RNF213: variants seen among roughly 807,000 people sequenced by gnomAD.
RNF213 encodes the protein E3 ubiquitin-protein ligase RNF213.
Under a neutral mutation model 514.4 loss-of-function variants are expected in RNF213, and 341 were observed. The ratio of observed to expected loss-of-function variants is 0.66; its 90% CI spans 0.61 to 0.73. The LOEUF (loss-of-function observed/expected upper bound fraction) is 0.73, where lower values mean the gene tolerates loss of function less well. Ranked by LOEUF, RNF213 falls within the 30% of genes least tolerant of loss-of-function variation. The pLI is 0.00. For synonymous variants in RNF213, 2,655 were observed against 2,658.2 expected (o/e 1.00, Z 0.04); for missense variants, 5,767 against 6,615.6 (o/e 0.87, Z 4.45).
chr17:80,370,017 TG>T, intron 46 of RNF213, 150 bp downstream of exon 46: 2 of 705,534 alleles, frequency 2.8e-6, no homozygotes, highest in Non-Finnish European at 5.2e-6. Flanking sequence ...TTACTTGTAC[TG>T]GTTGTGTATT....
Position 80,328,433 on chromosome 17 carries a change from A to G in RNF213, c.3473A>G (p.Asp1158Gly), listed in dbSNP as rs1325867068. 2.6e-6 allele frequency: 4 copies of G among 1,537,234 alleles called. No homozygotes were observed. The highest frequency in any genetic ancestry group is 2.0e-5 in the Admixed American group (1 of 51,000). ...LLLKKEKRCVDSLLKMCGNVK... is the reference protein window; with the variant it reads ...LLLKKEKRCVGSLLKMCGNVK... ...CTAAAGAAAGAGAAAAGATGTGTTG[A>G]TAGTCTCCTGAAGATGTGTGGGAAC... The change falls in exon 20 of 68, where the codon GAT (aspartate) becomes GGT (glycine). Residue 1158 changes from aspartate (D) to glycine (G), a missense_variant. Asp to Gly is a moderately conservative substitution (Grantham distance 94). Around this residue, in one of 13 missense-constraint regions of RNF213, gnomAD observed 516 missense variants for 566.5 expected, o/e 0.91. Coordinates refer to ENST00000582970, the MANE Select transcript of RNF213 (RefSeq NM_001256071.3).
At chr17:80,373,253 T>G in intron 49 of RNF213, 88 bp downstream of exon 49, 21 of 823,932 alleles carry the variant, frequency 2.5e-5, no homozygotes, top group African/African-American at 4.8e-5. Context: ...CCTCACACCC[T>G]ACCCCCCCCA....
intron 15 of RNF213, chr17:80,315,742 G>A (rs1324440385): frequency 3.1e-5 from 2 of 64,186 alleles, no homozygotes; most frequent in Non-Finnish European, 6.4e-5. Context: ...GGTGATGGTG[G>A]TGGTGGTGGA....
intron 25 of RNF213, among the ~76,000 whole-genome samples, chr17:80,338,641 T>C (rs1284573649): frequency 1.4e-5 from 1 of 72,846 alleles, no homozygotes; most frequent in South Asian, 3.6e-4. Flanking sequence ...TTTTTTTTTT[T>C]CCCAATTAAA....
intron 2 of RNF213, among the ~76,000 whole-genome samples, chr17:80,265,040 G>GTT (rs112658451): frequency 0.37 from 49,514 of 132,074 alleles, 9,425 homozygotes; most frequent in Non-Finnish European, 0.42. Context: ...TTCCATGTTT[G>GTT]TTTGTTTTTT....
intron 3 of RNF213, among the ~76,000 whole-genome samples, chr17:80,280,168 G>A (rs2044208996): frequency 6.6e-6 from 1 of 152,236 alleles, no homozygotes; most frequent in Admixed American, 6.5e-5. Context: ...CACGGGGCTG[G>A]ACTTAGCCAG....
Position 80,343,264 on chromosome 17 carries a change from C to T in RNF213, c.6122C>T (p.Pro2041Leu). 1.2e-6 allele frequency: 2 copies of T among 1,613,840 alleles called. No homozygotes were observed. The highest frequency in any genetic ancestry group is 1.7e-6 in the Non-Finnish European group (2 of 1,179,874). Residue 2041 changes from proline to leucine, a missense_variant, in exon 27 of 68, where the codon CCC becomes CTC. Physicochemically the swap from Pro to Leu is moderately conservative, Grantham distance 98. Coordinates refer to ENST00000582970, the MANE Select transcript of RNF213 (RefSeq NM_001256071.3). This position sits in a 1 kb window ranked among gnomAD's most constrained non-coding sequence, Gnocchi z 4.3. ...AGCCGAGTCCTGGGCGCCCTGCTGCCCTTCCTGGATGCGCAGTATCAGAAG... is the reference window on the plus strand; with the variant it reads ...AGCCGAGTCCTGGGCGCCCTGCTGCTCTTCCTGGATGCGCAGTATCAGAAG... ...DESRVLGALLPFLDAQYQKVP... is the reference protein window; with the variant it reads ...DESRVLGALLLFLDAQYQKVP...
At chr17:80,333,961 A>G (rs1411874698) in intron 21 of RNF213, 144 bp from the exon 22 acceptor site, 14 of 835,728 alleles carry the variant, frequency 1.7e-5, no homozygotes, top group South Asian at 3.2e-5. Flanking sequence ...CAGGGGTAAG[A>G]GCTTGGTGTG....
At chr17:80,349,688 C>G (rs1206361869) in intron 29 of RNF213, 82 bp from the exon 30 acceptor site, 1 of 1,469,808 alleles carries the variant, frequency 6.8e-7, no homozygotes, top group African/African-American at 1.4e-5. Flanking sequence ...TCGCAGGTTT[C>G]TAGGATCTGT....
intron 59 of RNF213, chr17:80,384,816 C>T: frequency 6.7e-6 from 4 of 593,948 alleles, no homozygotes; most frequent in Admixed American, 4.9e-5. Flanking sequence ...TCCATAGAGG[C>T]TGGGCTCCCT....
chr17:80,312,484 G>A (rs1206868077), intron 14 of RNF213, among the ~76,000 whole-genome samples: 1 of 141,418 alleles, frequency 7.1e-6, no homozygotes, highest in Non-Finnish European at 1.6e-5. Flanking sequence ...GGGAGGGCAT[G>A]ATGGGAGCAC....
At position 80,288,067 on chromosome 17, in the gene RNF213, A is replaced by G; in HGVS notation, c.514A>G (p.Ser172Gly). The stretch of plus-strand genomic sequence containing the variant: ...CTCCGCGCCCACCGAGGTTGGCGAC[A>G]GCCCCCTGCAGGCCCAGGCTTTGGG... Reference protein sequence around the residue: ...GLSAPTEVGDSPLQAQALGEA... With the variant: ...GLSAPTEVGDGPLQAQALGEA... The change falls in exon 4 of 68, where the codon AGC becomes GGC. Residue 172 changes from serine (S) to glycine (G), a missense_variant. By Grantham distance (56) the Ser-to-Gly change is moderately conservative. This residue lies in a region of RNF213 where 509 missense variants were observed against 496.7 expected (regional missense o/e 1.02). Transcript: ENST00000582970. This position sits in a 1 kb window ranked among gnomAD's most constrained non-coding sequence, Gnocchi z 4.9. The G allele has an allele frequency of 6.2e-7, 1 of 1,608,434 alleles. No homozygotes were observed. The highest frequency in any genetic ancestry group is 8.5e-7 in the Non-Finnish European group (1 of 1,176,830).
At chr17:80,383,599 G>T in intron 58 of RNF213, 78 bp from the exon 59 acceptor site, 1 of 1,449,544 alleles carries the variant, frequency 6.9e-7, no homozygotes. Flanking sequence ...ACACCCACTG[G>T]TGGAGTTACT....
Position 80,309,024 on chromosome 17 carries a change from C to T in RNF213, c.2508C>T (p.Pro836=), listed in dbSNP as rs767340250. 8.1e-6 allele frequency: 13 copies of T among 1,613,878 alleles called. No homozygotes were observed. The highest frequency in any genetic ancestry group is 1.7e-4 in the Middle Eastern group (1 of 6,024). Residue 836 remains proline, a synonymous_variant, in exon 14 of 68, where the codon CCC becomes CCT. Transcript: ENST00000582970. ...RLLDTYRDKI[P]EEALSPSYLT... ...TTAACTCTTTGCGGGGCAGGATTCCCGAGGAGGCCTTGTCACCATCCTACC... is the reference window on the plus strand; with the variant it reads ...TTAACTCTTTGCGGGGCAGGATTCCTGAGGAGGCCTTGTCACCATCCTACC...
intron 15 of RNF213, chr17:80,315,745 G>GTGAAGGTGA (rs2045902044): frequency 9.9e-5 from 5 of 50,440 alleles, no homozygotes; most frequent in East Asian, 6.3e-4. Flanking sequence ...GATGGTGGTG[G>GTGAAGGTGA]TGGTGGAGGT....
rs2078440291 is a variant in RNF213 at position 80,349,852 on chromosome 17, C to T, written c.10034C>T (p.Thr3345Ile). Residue 3345 changes from threonine to isoleucine, a missense_variant, in exon 30 of 68, where the codon ACA (threonine) becomes ATA (isoleucine). Transcript: ENST00000582970. Reference sequence around the variant, plus strand: ...GTCACAGGCAGGGCTCCGAAACCCACACTCCTGTGGCTGCAGCAGTTTGAC... The same window carrying T: ...GTCACAGGCAGGGCTCCGAAACCCATACTCCTGTGGCTGCAGCAGTTTGAC... ...SEVTGRAPKP[T>I]LLWLQQFDTE... 5 of 1,614,164 alleles carry T rather than the reference C, an allele frequency of 3.1e-6. No homozygotes were observed. The highest frequency in any genetic ancestry group is 1.1e-5 in the South Asian group (1 of 91,082).
Position 80,337,977 on chromosome 17 carries a change from G to T in RNF213, c.4813G>T (p.Glu1605Ter). ...TGGCAAGAAGGATCGTAACAACACG[G>T]AAGTGGAGAGGTTTTCAGAGGTGAG... ...MSGKKDRNNT[E>*]VERFSEVFCS... is the part of the protein sequence containing the mutation. Residue 1605 changes from glutamate (E) to a stop codon, truncating the protein, a stop_gained, in exon 25 of 68, where the codon GAA (glutamate) becomes TAA (stop). Transcript: ENST00000582970. LOFTEE classifies it high-confidence loss of function. 1 of 1,537,302 alleles carries T rather than the reference G, an allele frequency of 6.5e-7. No homozygotes were observed. Among genetic ancestry groups the T allele is most frequent in the Non-Finnish European group, 8.7e-7 (1 of 1,146,928 alleles).
At chr17:80,305,919 A>G (rs2045341737) in intron 11 of RNF213, among the ~76,000 whole-genome samples, 1 of 151,694 alleles carries the variant, frequency 6.6e-6, no homozygotes. Flanking sequence ...ACGCCCGGCC[A>G]TTAAGTTAAT....
At chr17:80,372,119 A>T (rs937482098) in intron 47 of RNF213, 134 bp downstream of exon 47, 3 of 694,152 alleles carry the variant, frequency 4.3e-6, no homozygotes, top group Non-Finnish European at 7.7e-6. Flanking sequence ...GAAAGGTTTC[A>T]AAGACGCGGC....
Sources: gnomAD v4.1 joint callset for allele counts (sites outside exome capture counted in the v4.1 genomes callset) on GRCh38, gnomAD v4.1.1 for gene constraint, gnomAD v4.1.1 regional missense constraint, Gnocchi (gnomAD v3.1) non-coding constraint, MANE v1.5 for transcripts, NCBI Gene and HGNC (gene_info 2026-07-23, HGNC 2026-07-21) for gene names.